Variants in ADAMTS18 observed in about 807,000 individuals in gnomAD.
ADAMTS18 encodes A disintegrin and metalloproteinase with thrombospondin motifs 18.
Under a neutral mutation model 165.9 loss-of-function variants are expected in ADAMTS18, and 157 were observed. That is an observed-to-expected ratio of 0.95 (90% CI 0.83 to 1.08). The LOEUF is 1.08. Ranked by LOEUF, ADAMTS18 falls within the 50% of genes least tolerant of loss-of-function variation. ADAMTS18 has a pLI of 0.00. For synonymous variants in ADAMTS18, 782 were observed against 578.2 expected, an observed-to-expected ratio of 1.35 and a Z score of -5.06; for missense variants, 2,040 against 1,534.0, an observed-to-expected ratio of 1.33 and a Z score of -5.51.
chr16:77,286,342 C>G (rs1195687602), intron 22 of ADAMTS18, among the ~76,000 whole-genome samples: 5 of 152,102 alleles, frequency 3.3e-5, no homozygotes, highest in Non-Finnish European at 7.4e-5. Context: ...ACACTGTGTG[C>G]TAATTGGTTG....
intron 3 of ADAMTS18, among the ~76,000 whole-genome samples, chr16:77,371,114 G>C (rs1301898233): frequency 6.6e-6 from 1 of 151,970 alleles, no homozygotes; most frequent in Non-Finnish European, 1.5e-5. Context: ...TCTTGGAAGG[G>C]TGAGCTGGGA....
intron 3 of ADAMTS18, among the ~76,000 whole-genome samples, chr16:77,403,618 A>G (rs1376226257): frequency 6.6e-6 from 1 of 152,242 alleles, no homozygotes; most frequent in Non-Finnish European, 1.5e-5. Context: ...TTGATGGCTT[A>G]GTCAGGTCCT....
intron 3 of ADAMTS18, among the ~76,000 whole-genome samples, chr16:77,413,178 T>A (rs1272412089): frequency 6.6e-6 from 1 of 152,154 alleles, no homozygotes; most frequent in Non-Finnish European, 1.5e-5. Context: ...TTCCCTAAAC[T>A]GATAATTCTT....
chr16:77,387,312 G>C (rs1018456204), intron 3 of ADAMTS18, among the ~76,000 whole-genome samples: 7 of 152,206 alleles, frequency 4.6e-5, no homozygotes, highest in African/African-American at 1.7e-4. Flanking sequence ...ATGTCGGATA[G>C]TCATGGGTCA....
chr16:77,335,609 C>T (rs1001508188), intron 12 of ADAMTS18, 147 bp downstream of exon 12: 32 of 967,554 alleles, frequency 3.3e-5, no homozygotes, highest in African/African-American at 6.6e-5. Context: ...CAACACATCA[C>T]ATGTACCCCA....
chr16:77,418,968 G>T (rs183061997), intron 3 of ADAMTS18, among the ~76,000 whole-genome samples: 2 of 152,296 alleles, frequency 1.3e-5, no homozygotes, highest in East Asian at 3.9e-4. Flanking sequence ...GGCCAACGTG[G>T]TGAAACACCG....
chr16:77,376,983 T>G (rs1597195012), intron 3 of ADAMTS18, among the ~76,000 whole-genome samples: 1 of 151,830 alleles, frequency 6.6e-6, no homozygotes, highest in African/African-American at 2.4e-5. Context: ...CTCGGCTAGG[T>G]TTTGTATTTT....
chr16:77,431,707 GA>G lies in ADAMTS18; in HGVS notation c.179-97del, dbSNP rs1041055818. 3.9e-6 allele frequency: 5 copies of G among 1,292,616 alleles called. No homozygotes were observed. The Admixed American group carries it at 8.4e-5, about 22-fold the overall frequency. The allele number at this position is 1,292,616 out of a possible 1,614,324, so 80.1% of individuals were successfully genotyped here. A position where few individuals can be genotyped will look rare whatever the true frequency, so the allele number is the denominator to read the frequency against. On this transcript the variant is annotated intron_variant, in intron 2 of 22. Coordinates refer to ENST00000282849, the MANE Select transcript of ADAMTS18 (RefSeq NM_199355.4). ...GGCAAAGAGCAACACAAAGCTCAAA[GA>G]TATCTTTGTTCCTATTGCCTTGCAC...
chr16:77,316,388 G>A (rs2055887815), intron 16 of ADAMTS18, among the ~76,000 whole-genome samples: 1 of 151,988 alleles, frequency 6.6e-6, no homozygotes, highest in Non-Finnish European at 1.5e-5. Flanking sequence ...TTGAGTAGCT[G>A]GGACTATAGG....
intron 16 of ADAMTS18, among the ~76,000 whole-genome samples, chr16:77,314,505 G>A (rs1157154777): frequency 6.6e-6 from 1 of 150,746 alleles, no homozygotes; most frequent in East Asian, 2.0e-4. Context: ...CCAGCTACTT[G>A]GGAGGCTGAG....
At chr16:77,417,921 G>A (rs922300969) in intron 3 of ADAMTS18, among the ~76,000 whole-genome samples, 2 of 152,166 alleles carry the variant, frequency 1.3e-5, no homozygotes, top group Admixed American at 1.3e-4. Context: ...CAGGTCAAGA[G>A]AATATAGAGG....
intron 12 of ADAMTS18, among the ~76,000 whole-genome samples, chr16:77,330,714 T>A (rs555121085): frequency 6.6e-6 from 1 of 152,152 alleles, no homozygotes; most frequent in African/African-American, 2.4e-5. Context: ...CAGAGCCAGA[T>A]AGCAGTCAAC....
intron 17 of ADAMTS18, 196 bp downstream of exon 17, chr16:77,300,060 ATTTGAGC>A: frequency 1.7e-6 from 1 of 581,510 alleles, no homozygotes; most frequent in Non-Finnish European, 3.0e-6. Flanking sequence ...GTTGTGGTTG[ATTTGAGC>A]TTTGTGAGAG....
chr16:77,376,533 G>GTC lies in ADAMTS18; in HGVS notation c.496-8811_496-8810insGA, dbSNP rs1567524441. Among the ~76,000 whole-genome samples the GTC allele has an allele frequency of 8.5e-5, 13 of 152,254 alleles. No individual in the cohort carries two copies. In the East Asian group the frequency reaches 2.3e-3, roughly 27 times the overall value. The stretch of plus-strand genomic sequence containing the variant: ...CCCCTCAAGAGACAAGAGTCAAGCC[G>GTC]AGGGAAAGGACTGGGTTGCGCCCGC... On this transcript the variant is annotated intron_variant, in intron 3 of 22. Transcript: ENST00000282849.
intron 22 of ADAMTS18, among the ~76,000 whole-genome samples, chr16:77,284,418 G>A (rs948529412): frequency 1.6e-4 from 24 of 151,962 alleles, no homozygotes; most frequent in East Asian, 1.9e-4. Flanking sequence ...GTGATCCACC[G>A]GGCCCAGCCT....
intron 8 of ADAMTS18, among the ~76,000 whole-genome samples, chr16:77,357,246 C>T (rs74025952): frequency 0.013 from 1,995 of 151,646 alleles, 41 homozygotes; most frequent in African/African-American, 0.045. Context: ...TTTTGTGACC[C>T]ATGTCTATAA....
chr16:77,289,888 G>T (rs900463874), intron 21 of ADAMTS18, among the ~76,000 whole-genome samples: 1 of 152,170 alleles, frequency 6.6e-6, no homozygotes, highest in African/African-American at 2.4e-5. Context: ...GAGTTGGCAT[G>T]ACAGAGTTGG....
chr16:77,323,722 T>C (rs1037034890), intron 13 of ADAMTS18, among the ~76,000 whole-genome samples: 1 of 152,196 alleles, frequency 6.6e-6, no homozygotes, highest in African/African-American at 2.4e-5. Context: ...TCACAAGACA[T>C]TCAAGTCATG....
At chr16:77,358,021 G>A (rs2056656396) in intron 8 of ADAMTS18, among the ~76,000 whole-genome samples, 1 of 152,196 alleles carries the variant, frequency 6.6e-6, no homozygotes, top group South Asian at 2.1e-4. Context: ...TGGACTTCAT[G>A]CTGGTAAAAC....
Sources: allele counts gnomAD v4.1 joint callset (sites outside exome capture counted in the v4.1 genomes callset), GRCh38; gene constraint gnomAD v4.1.1; transcripts MANE v1.5; gene names NCBI Gene and HGNC (gene_info 2026-07-23, HGNC 2026-07-21).